KCNMA1: variants seen among roughly 807,000 people sequenced by gnomAD.
The protein encoded by KCNMA1 is Calcium-activated potassium channel subunit alpha-1.
In KCNMA1, 29 loss-of-function variants were observed where a neutral mutation model predicts 140.0. The ratio of observed to expected loss-of-function variants is 0.21; its 90% CI spans 0.15 to 0.28. The LOEUF (loss-of-function observed/expected upper bound fraction) is 0.28, where lower values mean the gene tolerates loss of function less well. Among genes scored for constraint, KCNMA1 ranks in the 10% least tolerant of loss-of-function variants. KCNMA1 has a pLI of 1.00. For synonymous variants in KCNMA1, 612 were observed against 611.9 expected (o/e 1.00, Z 0.00); for missense variants, 880 against 1,602.2 (o/e 0.55, Z 7.70).
rs964717318 is a variant in KCNMA1, at chr10:76,973,340, A to G, written c.2267-3273T>C. 2.0e-5 allele frequency: 3 copies of G among 152,634 alleles called. No homozygotes were observed. In the East Asian group the frequency reaches 5.8e-4, roughly 29 times the overall value. 9.5% of individuals were successfully genotyped at this position (152,634 alleles called of 1,614,324 possible). On this transcript the variant is annotated intron_variant, in intron 19 of 27. Transcript: ENST00000286628. ...GGCTTGTTTTTGCACATCCCTAAGT[A>G]TAACACTTAATGTGCTGTTGTAACT...
chr10:77,563,202 T>C (rs750104947), intron 1 of KCNMA1, among the ~76,000 whole-genome samples: 6 of 152,118 alleles, frequency 3.9e-5, no homozygotes, highest in Admixed American at 6.5e-5. Context: ...GCACTAATAG[T>C]GTTCACAGAG....
chr10:77,186,359 T>G (rs1324304180), intron 3 of KCNMA1, among the ~76,000 whole-genome samples: 2 of 146,904 alleles, frequency 1.4e-5, no homozygotes, highest in African/African-American at 5.0e-5. Context: ...TGAAAAACAG[T>G]TCAAAAAAAA....
chr10:77,450,684 G>C (rs573658551), intron 1 of KCNMA1, among the ~76,000 whole-genome samples: 2 of 152,270 alleles, frequency 1.3e-5, no homozygotes, highest in South Asian at 4.1e-4. Context: ...CACCAGTCAT[G>C]TCCAGCCTCA....
chr10:76,978,374 A>T, intron 19 of KCNMA1: 1 of 152,194 alleles, frequency 6.6e-6, no homozygotes, highest in Middle Eastern at 3.2e-3. Flanking sequence ...CCATTAAATC[A>T]TTTTATGCCA....
chr10:76,891,417 G>T, intron 26 of KCNMA1, 108 bp downstream of exon 26: 1 of 807,832 alleles, frequency 1.2e-6, no homozygotes, highest in Non-Finnish European at 2.1e-6. Context: ...ATCTACAATA[G>T]GAAGGAGAAA....
exon 28 of KCNMA1, chr10:76,870,685 C>T (rs1181812195): frequency 1.3e-5 from 2 of 152,388 alleles, no homozygotes; most frequent in African/African-American, 2.4e-5. Flanking sequence ...GAGATGCCCA[C>T]CCTGAGACCC....
At chr10:77,465,610 G>C (rs2097980343) in intron 1 of KCNMA1, among the ~76,000 whole-genome samples, 1 of 150,922 alleles carries the variant, frequency 6.6e-6, no homozygotes, top group African/African-American at 2.5e-5. Context: ...CTATCAAGAG[G>C]ATTGAATAAG....
chr10:77,410,169 C>A (rs982137986), intron 1 of KCNMA1, among the ~76,000 whole-genome samples: 1 of 152,284 alleles, frequency 6.6e-6, no homozygotes, highest in East Asian at 1.9e-4. Context: ...CCGTTGTCAC[C>A]CTGCACCCTA....
chr10:77,095,546 C>T (rs569303060), intron 9 of KCNMA1, among the ~76,000 whole-genome samples: 6 of 152,114 alleles, frequency 3.9e-5, no homozygotes, highest in African/African-American at 1.4e-4. Context: ...CGGTGGGTCA[C>T]GGCATTGGAG....
At chr10:77,088,065 A>AT (rs2096733468) in intron 10 of KCNMA1, among the ~76,000 whole-genome samples, 1 of 152,236 alleles carries the variant, frequency 6.6e-6, no homozygotes, top group South Asian at 2.1e-4. Flanking sequence ...GGTTCAAGTG[A>AT]TTTTTGTGCC....
intron 1 of KCNMA1, among the ~76,000 whole-genome samples, chr10:77,607,127 A>C (rs1195063149): frequency 6.6e-6 from 1 of 152,244 alleles, no homozygotes; most frequent in Non-Finnish European, 1.5e-5. Flanking sequence ...CTGTGGGATA[A>C]GGAAGGCTCT....
intron 2 of KCNMA1, among the ~76,000 whole-genome samples, chr10:77,258,153 G>C (rs183799816): frequency 6.6e-6 from 1 of 152,292 alleles, no homozygotes; most frequent in East Asian, 1.9e-4. Flanking sequence ...ATGGGACCTT[G>C]GTAGGAACTA....
intron 3 of KCNMA1, among the ~76,000 whole-genome samples, chr10:77,231,855 T>C (rs1025693004): frequency 5.9e-5 from 9 of 152,216 alleles, no homozygotes; most frequent in African/African-American, 2.2e-4. Context: ...ATTCACCCAT[T>C]TGAGGTTTAA....
At chr10:76,925,472 T>C (rs911969426) in intron 23 of KCNMA1, among the ~76,000 whole-genome samples, 32 of 152,188 alleles carry the variant, frequency 2.1e-4, no homozygotes, top group Non-Finnish European at 3.7e-4. Context: ...AAGGGGATAC[T>C]AATAAAACAC....
In KCNMA1 at chr10:76,949,274, G is replaced by A. The variant is rs770702438; in HGVS notation, c.2577C>T (p.Asn859=). 7 of 1,613,982 alleles carry A rather than the reference G, an allele frequency of 4.3e-6. No individual in the cohort carries two copies. The highest frequency in any genetic ancestry group is 5.1e-6 in the Non-Finnish European group (6 of 1,180,030). Residue 859 remains asparagine (N), a synonymous_variant, in exon 22 of 28, where the codon AAC becomes AAT. Transcript: ENST00000286628. ...DVSSALIGLR[N]LVMPLRASNF... ...TGCTGGCACGGAGCGGCATCACCAG[G>A]TTCCGGAGGCCGATCAGGGCTGAGC...
intron 1 of KCNMA1, among the ~76,000 whole-genome samples, chr10:77,536,826 T>A (rs944532446): frequency 1.6e-4 from 24 of 152,326 alleles, no homozygotes; most frequent in African/African-American, 5.5e-4. Context: ...TCCCCAGAGC[T>A]GCCAACATCC....
rs58950492 is a variant in KCNMA1 at position 77,156,227 on chromosome 10, TAAAAAA to T, written c.808+27188_808+27193del. Among the ~76,000 whole-genome samples, 144 of 120,606 alleles carry T rather than the reference TAAAAAA, an allele frequency of 1.2e-3. 2 individuals are homozygous for T. The South Asian group carries it at 0.013, about 11-fold the overall frequency. The allele number at this position is 120,606 out of a possible 152,430, so 79.1% of individuals were successfully genotyped here. On this transcript the variant is annotated intron_variant, in intron 5 of 27. Transcript: ENST00000286628. ...TGGGTGACAGAGCGAGACTCCATCT[TAAAAAA>T]AAAAAAAAAAAAAAAAAAAAAAGTT... is the stretch of plus-strand genomic sequence containing the variant.
rs1271267105 is a variant in KCNMA1, at chr10:77,084,699, G to A, written c.1461C>T (p.Cys487=). The change falls in exon 12 of 28, where the codon TGC becomes TGT. Residue 487 remains cysteine (C), a synonymous_variant. Coordinates refer to ENST00000286628, the MANE Select transcript of KCNMA1 (RefSeq NM_001161352.2). ...CGCAGTACTTGTTGGCAAGGATCAG[G>A]CATGCATCTGCTGACTCTATCTAAG... is the stretch of plus-strand genomic sequence containing the variant. ...ARVKIESADA[C]LILANKYCAD... 6.2e-6 allele frequency: 10 copies of A among 1,613,738 alleles called. No homozygotes were observed. The highest frequency in any genetic ancestry group is 8.5e-6 in the Non-Finnish European group (10 of 1,179,690).
chr10:76,957,871 G>A (rs1261936286), intron 20 of KCNMA1, among the ~76,000 whole-genome samples: 6 of 152,186 alleles, frequency 3.9e-5, no homozygotes, highest in Admixed American at 6.5e-5. Flanking sequence ...AACACAATTC[G>A]TTCCAGCAAC....
Sources: allele counts gnomAD v4.1 joint callset (sites outside exome capture counted in the v4.1 genomes callset), GRCh38; gene constraint gnomAD v4.1.1; transcripts MANE v1.5; gene names NCBI Gene and HGNC (gene_info 2026-07-23, HGNC 2026-07-21).